Variants in PPARGC1B observed in about 807,000 individuals in gnomAD.
PPARGC1B encodes PPARG coactivator 1 beta.
A neutral mutation model predicts 101.6 loss-of-function variants in PPARGC1B; 34 were observed. The ratio of observed to expected loss-of-function variants is 0.33; its 90% CI spans 0.25 to 0.45. The LOEUF is 0.45. Ranked by LOEUF, PPARGC1B falls within the 20% of genes least tolerant of loss-of-function variation. PPARGC1B has a pLI of 1.00. For synonymous variants in PPARGC1B, 548 were observed against 539.3 expected (o/e 1.02, Z -0.22); for missense variants, 1,234 against 1,317.6 (o/e 0.94, Z 0.98).
Position 149,735,897 on chromosome 5 carries a change from G to A in PPARGC1B, c.78+5477G>A, listed in dbSNP as rs1278967380. ...TACCAGCACTTTGGGAGGCCAAGGC[G>A]GGCAGATCACGAGGCCAGGAGTTCG... On this transcript the variant is annotated intron_variant, in intron 1 of 11. Coordinates refer to ENST00000309241, the MANE Select transcript of PPARGC1B (RefSeq NM_133263.4). 5.3e-5 allele frequency among the ~76,000 whole-genome samples: 8 copies of A among 152,182 alleles called. No homozygotes were observed. The East Asian group carries it at 1.5e-3, about 29-fold the overall frequency.
At position 149,739,776 on chromosome 5, in the gene PPARGC1B, A is replaced by G. The variant is rs150140958; in HGVS notation, c.78+9356A>G. On this transcript the variant is annotated intron_variant, in intron 1 of 11. Coordinates refer to ENST00000309241, the MANE Select transcript of PPARGC1B (RefSeq NM_133263.4). ...TTTTCTTCCTACTCTTGTCATTCCTAAATCCCAAAGGTCCTCCTTGCAGCT... is the reference window on the plus strand; with the variant it reads ...TTTTCTTCCTACTCTTGTCATTCCTGAATCCCAAAGGTCCTCCTTGCAGCT... Among the ~76,000 whole-genome samples, 471 of 152,188 alleles carry G rather than the reference A, an allele frequency of 3.1e-3. 2 individuals carry two copies. Among genetic ancestry groups the G allele is most frequent in the Non-Finnish European group, 5.3e-3 (361 of 68,004 alleles).
chr5:149,799,687 G>GTTTTTTTTTTTTT (rs1561553708), intron 1 of PPARGC1B, among the ~76,000 whole-genome samples: 2 of 85,438 alleles, frequency 2.3e-5, no homozygotes, highest in African/African-American at 8.4e-5. Flanking sequence ...TTGTTTGCTT[G>GTTTTTTTTTTTTT]TTGTTGTTTT....
rs796481968 is a variant in PPARGC1B, at chr5:149,835,716, C to T, written c.1807+351C>T. Among the ~76,000 whole-genome samples, 62 of 152,228 alleles carry T rather than the reference C, an allele frequency of 4.1e-4. 1 individual carries two copies. The Middle Eastern group carries it at 0.014, about 33-fold the overall frequency. On this transcript the variant is annotated intron_variant, in intron 7 of 11. Coordinates refer to ENST00000309241, the MANE Select transcript of PPARGC1B (RefSeq NM_133263.4). Reference sequence around the variant, plus strand: ...TGGGAGGGTTTGTTGAACGATTGGACGTAGATCAGGAAGAGGTATTTGGAT... The same window carrying T: ...TGGGAGGGTTTGTTGAACGATTGGATGTAGATCAGGAAGAGGTATTTGGAT...
intron 1 of PPARGC1B, among the ~76,000 whole-genome samples, chr5:149,777,285 C>T (rs780371358): frequency 1.6e-4 from 24 of 152,316 alleles, no homozygotes; most frequent in Non-Finnish European, 3.4e-4. Context: ...CATGCTCTGC[C>T]CACTTTACAG....
Position 149,833,051 on chromosome 5 carries a change from G to C in PPARGC1B, c.978G>C (p.Arg326=). 1 of 1,613,860 alleles carries C rather than the reference G, an allele frequency of 6.2e-7. No homozygotes were observed. Among genetic ancestry groups the C allele is most frequent in the Non-Finnish European group, 8.5e-7 (1 of 1,180,024 alleles). ...CSNPSQQVRS[R]PWSRHHSKAS... ...ACCCCTCCCAGCAGGTCAGATCCCG[G>C]CCCTGGTCCCGGCACCACTCCAAAG... The change falls in exon 5 of 12, where the codon CGG becomes CGC. Residue 326 remains arginine (R), a synonymous_variant. Coordinates refer to ENST00000309241, the MANE Select transcript of PPARGC1B (RefSeq NM_133263.4). This position sits in a 1 kb window ranked among gnomAD's most constrained non-coding sequence, Gnocchi z 4.1.
chr5:149,833,512 G>T lies in PPARGC1B; in HGVS notation c.1439G>T (p.Arg480Leu). The change falls in exon 5 of 12, where the codon CGG becomes CTG. Residue 480 changes from arginine to leucine, a missense_variant. This residue lies in a region of PPARGC1B where 734 missense variants were observed against 768.4 expected (regional missense o/e 0.96). Transcript: ENST00000309241. This position sits in a 1 kb window ranked among gnomAD's most constrained non-coding sequence, Gnocchi z 4.1. The part of the protein sequence containing the change: ...ESSVCPVRRS[R>L]RLNPELGPWL... ...TCTGTGTGCCCCGTGCGGCGTTCTC[G>T]GAGACTGAACCCTGAGCTGGGCCCC... 6.4e-7 allele frequency: 1 copy of T among 1,566,668 alleles called. No individual in the cohort carries two copies. The highest frequency in any genetic ancestry group is 1.4e-5 in the African/African-American group (1 of 73,746).
At chr5:149,784,565 T>TTTC (rs1174624780) in intron 1 of PPARGC1B, among the ~76,000 whole-genome samples, 5 of 83,964 alleles carry the variant, frequency 6.0e-5, no homozygotes, top group African/African-American at 2.9e-4. Flanking sequence ...AGTTTCTTTT[T>TTTC]TTTTTTTTTT....
chr5:149,734,008 A>C (rs1754594804), intron 1 of PPARGC1B, among the ~76,000 whole-genome samples: 1 of 152,170 alleles, frequency 6.6e-6, no homozygotes, highest in African/African-American at 2.4e-5. Flanking sequence ...TCCTGTTCAT[A>C]TAGATCACAT....
At chr5:149,798,771 C>G (rs1394760017) in intron 1 of PPARGC1B, among the ~76,000 whole-genome samples, 1 of 152,226 alleles carries the variant, frequency 6.6e-6, no homozygotes, top group Non-Finnish European at 1.5e-5. Flanking sequence ...ATCCCTGGGA[C>G]TCAGTTTCCT....
In PPARGC1B at chr5:149,730,551, C is replaced by A; in HGVS notation, c.78+131C>A. 1 of 634,588 alleles carries A rather than the reference C, an allele frequency of 1.6e-6. No individual in the cohort carries two copies. Among genetic ancestry groups the A allele is most frequent in the South Asian group, 2.6e-5 (1 of 38,886 alleles). The allele number at this position is 634,588 out of a possible 1,614,324, so 39.3% of individuals were successfully genotyped here. ...CTGGGGGTTCCAGGCTGCAGAGCCC[C>A]CCTTCCAGGCGCCCTGCGATGCGCT... On this transcript the variant is annotated intron_variant, in intron 1 of 11. Transcript: ENST00000309241. This position sits in a 1 kb window ranked among gnomAD's most constrained non-coding sequence, Gnocchi z 4.0.
chr5:149,761,476 G>A (rs1755715589), intron 1 of PPARGC1B: 1 of 152,066 alleles, frequency 6.6e-6, no homozygotes. Flanking sequence ...CCACTTCTGG[G>A]TATGTATCCA....
At position 149,847,576 on chromosome 5, in the gene PPARGC1B, G is replaced by A. The variant is rs764714822; in HGVS notation, c.*18G>A. On this transcript the variant is annotated 3_prime_UTR_variant, in exon 12 of 12. Transcript: ENST00000309241. ...TGCATTGATAACAGCCTTAACCCTCGAGGAATACCTCAATACCTCAGACAA... is the reference window on the plus strand; with the variant it reads ...TGCATTGATAACAGCCTTAACCCTCAAGGAATACCTCAATACCTCAGACAA... 5.1e-6 allele frequency: 8 copies of A among 1,572,442 alleles called. No homozygotes were observed. Among genetic ancestry groups the A allele is most frequent in the Middle Eastern group, 1.7e-4 (1 of 5,972 alleles).
intron 1 of PPARGC1B, among the ~76,000 whole-genome samples, chr5:149,734,900 A>G (rs1319372747): frequency 6.6e-6 from 1 of 152,164 alleles, no homozygotes; most frequent in Non-Finnish European, 1.5e-5. Context: ...GTGTTTCTGA[A>G]CTTGGCCCAT....
chr5:149,833,828 A>C lies in PPARGC1B; in HGVS notation c.1705+50A>C. On this transcript the variant is annotated intron_variant, in intron 5 of 11. Transcript: ENST00000309241. This position sits in a 1 kb window ranked among gnomAD's most constrained non-coding sequence, Gnocchi z 4.1. ...AGTGGGGGCAGGGATGGGGTGCAGCATGCCCCTCTGCACTGGGAGCCAGGA... is the reference window on the plus strand; with the variant it reads ...AGTGGGGGCAGGGATGGGGTGCAGCCTGCCCCTCTGCACTGGGAGCCAGGA... 2 of 1,443,396 alleles carry C rather than the reference A, an allele frequency of 1.4e-6. No homozygotes were observed. The highest frequency in any genetic ancestry group is 9.1e-7 in the Non-Finnish European group (1 of 1,102,442). The allele number at this position is 1,443,396 out of a possible 1,614,324, so 89.4% of individuals were successfully genotyped here.
chr5:149,795,981 A>T (rs936191479), intron 1 of PPARGC1B, among the ~76,000 whole-genome samples: 3 of 152,112 alleles, frequency 2.0e-5, no homozygotes, highest in Non-Finnish European at 2.9e-5. Context: ...CCATTTTCCC[A>T]CATAAGAGAA....
rs560965937 is a variant in PPARGC1B, at chr5:149,798,113, T to C, written c.79-22320T>C. On this transcript the variant is annotated intron_variant, in intron 1 of 11. Transcript: ENST00000309241. ...AGCTAAGGCCCAGAGAGGTTGAGTGTCTTGGCCAGGGCCACACAGCTGGTT... is the reference window on the plus strand; with the variant it reads ...AGCTAAGGCCCAGAGAGGTTGAGTGCCTTGGCCAGGGCCACACAGCTGGTT... 4.6e-5 allele frequency among the ~76,000 whole-genome samples: 7 copies of C among 152,330 alleles called. No homozygotes were observed. In the East Asian group the frequency reaches 1.4e-3, roughly 29 times the overall value.
chr5:149,817,002 TAGTGTCATC>T (rs1378063380), intron 1 of PPARGC1B, among the ~76,000 whole-genome samples: 1 of 152,210 alleles, frequency 6.6e-6, no homozygotes, highest in African/African-American at 2.4e-5. Flanking sequence ...CCAGCCTTTC[TAGTGTCATC>T]TTTTCCCATT....
In PPARGC1B at chr5:149,738,696, A is replaced by G. The variant is rs143703392; in HGVS notation, c.78+8276A>G. 6.1e-3 allele frequency among the ~76,000 whole-genome samples: 920 copies of G among 152,034 alleles called. 8 individuals carry two copies. Among genetic ancestry groups the G allele is most frequent in the African/African-American group, 0.02 (837 of 41,446 alleles). ...CGGCTCACTGCAACCTCCCGGGTTC[A>G]AGCGATTCTTCTGCCTCAGCCTCCC... is the stretch of plus-strand genomic sequence containing the variant. On this transcript the variant is annotated intron_variant, in intron 1 of 11. Transcript: ENST00000309241.
At chr5:149,793,029 C>T (rs1757078572) in intron 1 of PPARGC1B, among the ~76,000 whole-genome samples, 1 of 151,996 alleles carries the variant, frequency 6.6e-6, no homozygotes, top group African/African-American at 2.4e-5. Context: ...CACATACCCT[C>T]AGCTGCTTCA....
Sources: gnomAD v4.1 joint callset for allele counts (sites outside exome capture counted in the v4.1 genomes callset) on GRCh38, gnomAD v4.1.1 for gene constraint, gnomAD v4.1.1 regional missense constraint, Gnocchi (gnomAD v3.1) non-coding constraint, MANE v1.5 for transcripts, NCBI Gene and HGNC (gene_info 2026-07-23, HGNC 2026-07-21) for gene names.